B4GALNT1: variants seen among roughly 807,000 people sequenced by gnomAD.
The protein encoded by B4GALNT1 is beta-1,4-N-acetyl-galactosaminyltransferase 1, also known as beta-1,4 N-acetylgalactosaminyltransferase 1.
Under a neutral mutation model 55.2 loss-of-function variants are expected in B4GALNT1, and 43 were observed. That is an observed-to-expected ratio of 0.78 (90% CI 0.61 to 1.00). B4GALNT1 has a LOEUF of 1.00. Ranked by LOEUF, B4GALNT1 falls within the 50% of genes least tolerant of loss-of-function variation. B4GALNT1 has a pLI of 0.00. For synonymous variants in B4GALNT1, 305 were observed against 311.6 expected (o/e 0.98, Z 0.22); for missense variants, 664 against 729.7 (o/e 0.91, Z 1.04).
Position 57,627,878 on chromosome 12 carries a change from G to T in B4GALNT1, c.1144-20C>A. On this transcript the variant is annotated intron_variant, in intron 9 of 10. Coordinates refer to ENST00000341156, the MANE Select transcript of B4GALNT1 (RefSeq NM_001478.5). ...CCCCACCTGCAGGGAGAGGGAGGTT[G>T]CCTCCAGGCGGGCCTGGGATAGGGG... 6.4e-7 allele frequency: 1 copy of T among 1,556,252 alleles called. No homozygotes were observed.
rs1490763797 is a variant in B4GALNT1, at chr12:57,631,220, C to T, written c.363G>A (p.Glu121=). 3 of 1,614,062 alleles carry T rather than the reference C, an allele frequency of 1.9e-6. No homozygotes were observed. Among genetic ancestry groups the T allele is most frequent in the Non-Finnish European group, 2.5e-6 (3 of 1,180,026 alleles). ...LRAASATREQ[E]FQAFLSRSQS... ...GGTACCTCGACAGAAAGGCCTGGAACTCCTGCTCTCTTGTGGCAGAGGCAG... is the reference window on the plus strand; with the variant it reads ...GGTACCTCGACAGAAAGGCCTGGAATTCCTGCTCTCTTGTGGCAGAGGCAG... Residue 121 remains glutamate, a synonymous_variant, in exon 3 of 11, where the codon GAG becomes GAA. Coordinates refer to ENST00000341156, the MANE Select transcript of B4GALNT1 (RefSeq NM_001478.5).
Position 57,626,114 on chromosome 12 carries a change from C to T in B4GALNT1, c.*630G>A, listed in dbSNP as rs908368434. On this transcript the variant is annotated 3_prime_UTR_variant, in exon 11 of 11. Coordinates refer to ENST00000341156, the MANE Select transcript of B4GALNT1 (RefSeq NM_001478.5). The stretch of plus-strand genomic sequence containing the variant: ...ATGACCCTTGAACCCCCTTACCTAA[C>T]GTAACTAATAAAATGAAGCTGAGAG... 2 of 189,012 alleles carry T rather than the reference C, an allele frequency of 1.1e-5. No individual in the cohort carries two copies. Among genetic ancestry groups the T allele is most frequent in the African/African-American group, 2.3e-5 (1 of 42,592 alleles). 11.7% of individuals were successfully genotyped at this position (189,012 alleles called of 1,614,324 possible).
intron 6 of B4GALNT1, 181 bp downstream of exon 6, chr12:57,629,971 T>A (rs1188594353): frequency 6.5e-7 from 1 of 1,537,800 alleles, no homozygotes; most frequent in East Asian, 2.4e-5. Flanking sequence ...CAGCCCCAGA[T>A]GAACAAAGGC....
intron 6 of B4GALNT1, chr12:57,629,826 G>C: frequency 6.9e-7 from 1 of 1,453,206 alleles, no homozygotes; most frequent in Non-Finnish European, 9.0e-7. Flanking sequence ...GGAAAGTAAA[G>C]ACCTTTGCCC....
chr12:57,632,111 G>C lies in B4GALNT1; in HGVS notation c.22C>G (p.Leu8Val). 1 of 1,500,232 alleles carries C rather than the reference G, an allele frequency of 6.7e-7. No individual in the cohort carries two copies. The highest frequency in any genetic ancestry group is 8.9e-7 in the Non-Finnish European group (1 of 1,123,662). The allele number at this position is 1,500,232 out of a possible 1,614,324, so 92.9% of individuals were successfully genotyped here. The change falls in exon 2 of 11, where the codon CTG (leucine) becomes GTG (valine). Residue 8 changes from leucine (L) to valine (V), a missense_variant. By Grantham distance (32) the Leu-to-Val change is conservative (BLOSUM62 1). Transcript: ENST00000341156. Reference sequence around the variant, plus strand: ...GCGAGCAGAAGGACCAGAGCGCACAGGGCCCGGCGGCCCAGCCACATCCTA... The same window carrying C: ...GCGAGCAGAAGGACCAGAGCGCACACGGCCCGGCGGCCCAGCCACATCCTA... Reference protein sequence around the residue: MWLGRRALCALVLLLACA... With the variant: MWLGRRAVCALVLLLACA...
chr12:57,623,719 G>GGT lies in B4GALNT1; in HGVS notation c.*3024_*3025insAC, dbSNP rs934137099. 3 of 830,678 alleles carry GGT rather than the reference G, an allele frequency of 3.6e-6. No individual in the cohort carries two copies. In the African/African-American group the frequency reaches 5.1e-5, roughly 14 times the overall value. The allele number at this position is 830,678 out of a possible 1,614,324, so 51.5% of individuals were successfully genotyped here. On this transcript the variant is annotated 3_prime_UTR_variant, in exon 11 of 11. Transcript: ENST00000341156. ...TTAAGAAGGGGGTTGTGTGGAAGGA[G>GGT]ATTTGGGAGAAGGGAGACTTCCGAG...
In B4GALNT1 at chr12:57,628,875, C is replaced by T. The variant is rs2140246161; in HGVS notation, c.840G>A (p.Thr280=). The T allele has an allele frequency of 1.2e-6, 2 of 1,614,132 alleles. No individual in the cohort carries two copies. Among genetic ancestry groups the T allele is most frequent in the Non-Finnish European group, 1.7e-6 (2 of 1,180,030 alleles). Residue 280 remains threonine, a synonymous_variant, in exon 8 of 11, where the codon ACG becomes ACA. Coordinates refer to ENST00000341156, the MANE Select transcript of B4GALNT1 (RefSeq NM_001478.5). The part of the protein sequence containing the change: ...GAQYNISALV[T]IATKTFLRYD... ...AACGGAGGAAGGTCTTGGTGGCAAT[C>T]GTGACTAGAGCGCTGATGTTGTACT...
chr12:57,632,483 C>T, intron 1 of B4GALNT1: 1 of 370,986 alleles, frequency 2.7e-6, no homozygotes, highest in South Asian at 2.5e-5. Flanking sequence ...AGTGGCAGTC[C>T]CCAAGCCCGC....
At chr12:57,628,545 G>A (rs1274726106) in intron 8 of B4GALNT1, 168 bp downstream of exon 8, 1 of 916,452 alleles carries the variant, frequency 1.1e-6, no homozygotes, top group Non-Finnish European at 1.6e-6. Context: ...AATTCAGAGA[G>A]AATTTCCTGC....
chr12:57,625,261 C>T lies in B4GALNT1; in HGVS notation c.*1483G>A, dbSNP rs1439683132. 6.2e-7 allele frequency: 1 copy of T among 1,614,036 alleles called. No individual in the cohort carries two copies. The highest frequency in any genetic ancestry group is 8.5e-7 in the Non-Finnish European group (1 of 1,180,004). On this transcript the variant is annotated 3_prime_UTR_variant, in exon 11 of 11. Coordinates refer to ENST00000341156, the MANE Select transcript of B4GALNT1 (RefSeq NM_001478.5). The stretch of plus-strand genomic sequence containing the variant: ...TTGCTGAGCCTGTCAGGGTGGTGGT[C>T]CTAGACTTCAGTGGTGTCACCTTTG...
Position 57,631,086 on chromosome 12 carries a change from C to T in B4GALNT1, c.384G>A (p.Arg128=), listed in dbSNP as rs1295189833. The T allele has an allele frequency of 3.1e-6, 5 of 1,610,798 alleles. No homozygotes were observed. Among genetic ancestry groups the T allele is most frequent in the Non-Finnish European group, 4.2e-6 (5 of 1,178,626 alleles). ...REQEFQAFLS[R]SQSPADQLLI... is the part of the protein sequence containing the mutation. ...GCAGCTGGTCAGCTGGGGACTGGCT[C>T]CTGGCAGTGGAGGAAGGAGAGGACA... Residue 128 remains arginine (R), a splice_region_variant and synonymous_variant, in exon 4 of 11, where the codon AGG becomes AGA. Coordinates refer to ENST00000341156, the MANE Select transcript of B4GALNT1 (RefSeq NM_001478.5).
chr12:57,627,601 G>T lies in B4GALNT1; in HGVS notation c.1384+17C>A, dbSNP rs772074159. 2 of 1,568,792 alleles carry T rather than the reference G, an allele frequency of 1.3e-6. No individual in the cohort carries two copies. The highest frequency in any genetic ancestry group is 1.3e-5 in the African/African-American group (1 of 74,314). On this transcript the variant is annotated intron_variant, in intron 10 of 10. Transcript: ENST00000341156. The stretch of plus-strand genomic sequence containing the variant: ...TGGGGCTCCTGCCAGGGTCGACCGG[G>T]AGGGGGTGCCACTCACCCAGATGAG...
chr12:57,624,012 G>A lies in B4GALNT1; in HGVS notation c.*2732C>T. The A allele has an allele frequency of 1.2e-6, 2 of 1,611,756 alleles. No homozygotes were observed. The highest frequency in any genetic ancestry group is 1.7e-6 in the Non-Finnish European group (2 of 1,178,570). The stretch of plus-strand genomic sequence containing the variant: ...CCTCCTCTGCCTCAAGGCTGTCCTG[G>A]CTTGCATCAACATCTCCAGCATGCG... On this transcript the variant is annotated 3_prime_UTR_variant, in exon 11 of 11. Transcript: ENST00000341156.
rs1349051794 is a variant in B4GALNT1, at chr12:57,624,267, G to C, written c.*2477C>G. The C allele has an allele frequency of 7.3e-6, 5 of 680,958 alleles. No homozygotes were observed. Among genetic ancestry groups the C allele is most frequent in the African/African-American group, 1.8e-5 (1 of 55,456 alleles). The allele number at this position is 680,958 out of a possible 1,614,324, so 42.2% of individuals were successfully genotyped here. A position where few individuals can be genotyped will look rare whatever the true frequency, so the allele number is the denominator to read the frequency against. Reference sequence around the variant, plus strand: ...ACTCACAGGCAAGGGAAAGGATGGGGTTTGAACCCCTTTGGCCTGAATATT... The same window carrying C: ...ACTCACAGGCAAGGGAAAGGATGGGCTTTGAACCCCTTTGGCCTGAATATT... On this transcript the variant is annotated 3_prime_UTR_variant, in exon 11 of 11. Transcript: ENST00000341156.
chr12:57,627,810 G>C lies in B4GALNT1; in HGVS notation c.1192C>G (p.Gln398Glu). ...GCGCCGGGCTCCACGCTCAGCAGCT[G>C]CCGATAAGTGGTGGCAAAGCCGGAG... ...EISGFATTYR[Q>E]LLSVEPGAPG... The change falls in exon 10 of 11, where the codon CAG (glutamine) becomes GAG (glutamate). Residue 398 changes from glutamine (Q) to glutamate (E), a missense_variant. By Grantham distance (29) the Gln-to-Glu change is conservative. Transcript: ENST00000341156. 1 of 1,594,580 alleles carries C rather than the reference G, an allele frequency of 6.3e-7. No homozygotes were observed. Among genetic ancestry groups the C allele is most frequent in the Non-Finnish European group, 8.6e-7 (1 of 1,168,980 alleles).
intron 8 of B4GALNT1, 125 bp downstream of exon 8, chr12:57,628,588 G>A: frequency 1.7e-6 from 2 of 1,200,898 alleles, no homozygotes; most frequent in Non-Finnish European, 2.3e-6. Context: ...GAATCCTCAT[G>A]CTTAACAGGC....
chr12:57,631,416 T>G, intron 2 of B4GALNT1, 52 bp from the exon 3 acceptor site: 2 of 1,599,754 alleles, frequency 1.3e-6, no homozygotes, highest in Non-Finnish European at 1.7e-6. Flanking sequence ...ACAGCTCCAT[T>G]CATCCCATAA....
rs1253271361 is a variant in B4GALNT1, at chr12:57,625,502, G to A, written c.*1242C>T. 45 of 1,613,980 alleles carry A rather than the reference G, an allele frequency of 2.8e-5. No individual in the cohort carries two copies. Among genetic ancestry groups the A allele is most frequent in the Non-Finnish European group, 3.6e-5 (43 of 1,179,974 alleles). The stretch of plus-strand genomic sequence containing the variant: ...GAGAAGAGCGGGGCCCAGTGCCTGG[G>A]CAATGACTGGACACCTGCGGTAGGG... On this transcript the variant is annotated 3_prime_UTR_variant, in exon 11 of 11. Transcript: ENST00000341156.
intron 1 of B4GALNT1, 35 bp from the exon 2 acceptor site, chr12:57,632,168 G>A (rs757132727): frequency 2.6e-6 from 4 of 1,516,024 alleles, no homozygotes; most frequent in South Asian, 1.2e-5. Flanking sequence ...GAGAAAGGGA[G>A]GGAAGAAGGG....
Sources: allele counts gnomAD v4.1 joint callset, GRCh38; gene constraint gnomAD v4.1.1; transcripts MANE v1.5; gene names NCBI Gene and HGNC (gene_info 2026-07-23, HGNC 2026-07-21).